SYNE2: variants seen among roughly 807,000 people sequenced by gnomAD.
SYNE2 encodes nesprin-2.
SYNE2 carries 431 observed loss-of-function variants against 856.3 expected under a neutral mutation model. That is an observed-to-expected ratio of 0.50 (90% CI 0.47 to 0.55). SYNE2 has a LOEUF of 0.55. Among genes scored for constraint, SYNE2 ranks in the 20% least tolerant of loss-of-function variants. SYNE2 has a pLI of 0.00. For missense variants in SYNE2, 8,129 were observed against 8,023.2 expected, an observed-to-expected ratio of 1.01 and a Z score of -0.50; for synonymous variants, 2,923 against 2,872.3, an observed-to-expected ratio of 1.02 and a Z score of -0.56.
chr14:64,162,320 A>G (rs950104856), intron 88 of SYNE2, 44 bp downstream of exon 88: 12 of 1,592,918 alleles, frequency 7.5e-6, no homozygotes, highest in Non-Finnish European at 8.6e-7. Flanking sequence ...AAGTCAGCCC[A>G]ACAGATGGGG....
chr14:63,867,965 G>A (rs1015506239), intron 1 of SYNE2, among the ~76,000 whole-genome samples: 6 of 152,024 alleles, frequency 3.9e-5, no homozygotes, highest in African/African-American at 1.2e-4. Context: ...TGGGAAGATC[G>A]CTCGAGCCCA....
At position 64,216,359 on chromosome 14, in the gene SYNE2, C is replaced by T. The variant is rs757038250; in HGVS notation, c.19514C>T (p.Ala6505Val). Residue 6505 changes from alanine to valine, a missense_variant, in exon 108 of 116, where the codon GCG becomes GTG. Transcript: ENST00000555002. ...AGGAATGTTCCACCTGTTCCCCCTG[C>T]GTCCAGCACCCCTTATAAACCACCC... ...GDRNVPPVPP[A>V]SSTPYKPPYG... The T allele has an allele frequency of 8.1e-6, 13 of 1,614,200 alleles. No homozygotes were observed. The South Asian group carries it at 8.8e-5, about 11-fold the overall frequency.
chr14:63,953,539 G>GATAGATAGATAGATAGAT (rs1566897832), intron 7 of SYNE2, among the ~76,000 whole-genome samples: 32 of 131,374 alleles, frequency 2.4e-4, no homozygotes, highest in African/African-American at 9.3e-4. Flanking sequence ...GATAGAGAGA[G>GATAGATAGATAGATAGAT]AGAGAGATAG....
intron 92 of SYNE2, 38 bp downstream of exon 92, chr14:64,167,677 C>G: frequency 1.2e-6 from 2 of 1,613,792 alleles, no homozygotes; most frequent in South Asian, 2.2e-5. Context: ...AACCGCTCAT[C>G]TGGGGCAGGA....
intron 63 of SYNE2, among the ~76,000 whole-genome samples, chr14:64,100,738 A>G (rs947299423): frequency 1.3e-5 from 2 of 150,962 alleles, no homozygotes; most frequent in South Asian, 2.1e-4. Context: ...AACTATAGTC[A>G]CCATGATATA....
intron 2 of SYNE2, among the ~76,000 whole-genome samples, chr14:63,938,603 A>G (rs1482974325): frequency 2.0e-5 from 3 of 152,106 alleles, no homozygotes; most frequent in Non-Finnish European, 4.4e-5. Context: ...AGGGTAGAGG[A>G]TGAACTGGAG....
At chr14:64,004,577 G>A (rs145855543) in intron 30 of SYNE2, among the ~76,000 whole-genome samples, 56 of 152,144 alleles carry the variant, frequency 3.7e-4, no homozygotes, top group African/African-American at 1.1e-3. Context: ...TCATCCACCC[G>A]CTTTAACCTC....
intron 87 of SYNE2, 29 bp downstream of exon 87, chr14:64,159,471 A>T (rs377702989): frequency 1.2e-6 from 2 of 1,610,108 alleles, no homozygotes; most frequent in Non-Finnish European, 1.7e-6. Flanking sequence ...TTTGAATGAT[A>T]GATATCTTTA....
At chr14:64,032,418 C>T (rs751309492) in intron 45 of SYNE2, among the ~76,000 whole-genome samples, 6 of 152,002 alleles carry the variant, frequency 3.9e-5, no homozygotes, top group Non-Finnish European at 7.4e-5. Context: ...TATTAATAAC[C>T]GGGCATGACA....
chr14:63,956,465 T>C (rs2096243209), intron 8 of SYNE2: 1 of 456,632 alleles, frequency 2.2e-6, no homozygotes, highest in East Asian at 6.9e-5. Flanking sequence ...CAGTCAACTC[T>C]CTTCAGCTGA....
intron 50 of SYNE2, 152 bp from the exon 51 acceptor site, chr14:64,065,280 G>A (rs1202964135): frequency 1.4e-6 from 1 of 718,188 alleles, no homozygotes; most frequent in Non-Finnish European, 2.3e-6. Flanking sequence ...TTCTCATCTG[G>A]TCTATATTGA....
chr14:63,815,788 A>T (rs1888956393), intron 1 of SYNE2, among the ~76,000 whole-genome samples: 2 of 152,068 alleles, frequency 1.3e-5, no homozygotes. Flanking sequence ...ATTCACTATG[A>T]TACCACCACA....
At chr14:64,103,030 A>G (rs1466180968) in intron 64 of SYNE2, among the ~76,000 whole-genome samples, 3 of 152,140 alleles carry the variant, frequency 2.0e-5, no homozygotes, top group Middle Eastern at 3.2e-3. Flanking sequence ...TATATGCCAC[A>G]TGTTCTTTCT....
At chr14:63,860,680 CAGTG>C (rs1476528764) in intron 1 of SYNE2, among the ~76,000 whole-genome samples, 2 of 152,200 alleles carry the variant, frequency 1.3e-5, no homozygotes, top group African/African-American at 4.8e-5. Flanking sequence ...AGTTTGTTAT[CAGTG>C]AGTAGCTCTT....
chr14:63,768,712 T>C (rs887503563), intron 1 of SYNE2, among the ~76,000 whole-genome samples: 1 of 152,062 alleles, frequency 6.6e-6, no homozygotes, highest in Non-Finnish European at 1.5e-5. Context: ...CCAGAAACAG[T>C]GTGGATAAAA....
chr14:64,070,497 A>T, intron 51 of SYNE2, 148 bp from the exon 52 acceptor site: 4 of 675,002 alleles, frequency 5.9e-6, no homozygotes, highest in Non-Finnish European at 9.9e-6. Flanking sequence ...ATAGTAGAGG[A>T]TTAATATTCC....
In SYNE2 at chr14:64,000,655, G is replaced by T. The variant is rs761472992; in HGVS notation, c.3574G>T (p.Val1192Leu). ...TGTGAATGACATAAAAAAGCCTTTT[G>T]TAATTAAGGAAAGAGACACACTAAA... ...NHVNDIKKPF[V>L]IKERDTLKER... The change falls in exon 28 of 116, where the codon GTA becomes TTA. Residue 1192 changes from valine (V) to leucine (L), a missense_variant. Around this residue, in one of 3 missense-constraint regions of SYNE2, gnomAD observed 2,422 missense variants for 2,357.4 expected, o/e 1.03. Transcript: ENST00000555002. The T allele has an allele frequency of 6.2e-7, 1 of 1,613,444 alleles. No individual in the cohort carries two copies. The highest frequency in any genetic ancestry group is 1.1e-5 in the South Asian group (1 of 91,002).
chr14:64,171,794 A>C (rs1455736610), intron 94 of SYNE2, among the ~76,000 whole-genome samples: 2 of 152,200 alleles, frequency 1.3e-5, no homozygotes, highest in African/African-American at 4.8e-5. Context: ...GTCTGGCTGG[A>C]ACCAGGGAGC....
intron 32 of SYNE2, among the ~76,000 whole-genome samples, chr14:64,010,855 T>G (rs1490520538): frequency 6.6e-6 from 1 of 152,168 alleles, no homozygotes; most frequent in Non-Finnish European, 1.5e-5. Context: ...GCCAGGCTGG[T>G]CTCAAACTCC....
Sources: gnomAD v4.1 joint callset for allele counts (sites outside exome capture counted in the v4.1 genomes callset) on GRCh38, gnomAD v4.1.1 for gene constraint, gnomAD v4.1.1 regional missense constraint, MANE v1.5 for transcripts, NCBI Gene and HGNC (gene_info 2026-07-23, HGNC 2026-07-21) for gene names.